MYO1D: variants seen among roughly 807,000 people sequenced by gnomAD.
The protein encoded by MYO1D is unconventional myosin-Id.
A neutral mutation model predicts 122.0 loss-of-function variants in MYO1D; 83 were observed. The observed-to-expected ratio is 0.68, with a 90% CI of 0.57 to 0.82. MYO1D has a LOEUF of 0.82. Among genes scored for constraint, MYO1D ranks in the 40% least tolerant of loss-of-function variants. MYO1D has a pLI of 0.00. For synonymous variants in MYO1D, 464 were observed against 446.9 expected (o/e 1.04, Z -0.48); for missense variants, 1,157 against 1,269.5 (o/e 0.91, Z 1.35).
intron 1 of MYO1D, among the ~76,000 whole-genome samples, chr17:32,813,064 C>T (rs746707166): frequency 6.6e-5 from 10 of 152,196 alleles, no homozygotes; most frequent in Non-Finnish European, 1.5e-4. Flanking sequence ...AATCATTTCT[C>T]CTATAAACGG....
chr17:32,605,329 A>C, intron 20 of MYO1D, 88 bp from the exon 21 acceptor site: 1 of 1,279,914 alleles, frequency 7.8e-7, no homozygotes, highest in Non-Finnish European at 1.1e-6. Context: ...GCATGGTGGC[A>C]TGTGCCTGTA....
intron 1 of MYO1D, among the ~76,000 whole-genome samples, chr17:32,828,106 G>A (rs2090738515): frequency 6.6e-6 from 1 of 152,218 alleles, no homozygotes; most frequent in South Asian, 2.1e-4. Context: ...GAAAGAAGCT[G>A]ACGTGGAAGC....
At chr17:32,809,720 T>G in intron 1 of MYO1D, among the ~76,000 whole-genome samples, 1 of 152,200 alleles carries the variant, frequency 6.6e-6, no homozygotes, top group Non-Finnish European at 1.5e-5. Flanking sequence ...ATTATAGGTG[T>G]AAGCCACTGT....
intron 1 of MYO1D, among the ~76,000 whole-genome samples, chr17:32,796,569 C>A (rs1302232308): frequency 1.3e-5 from 2 of 152,144 alleles, no homozygotes; most frequent in African/African-American, 4.8e-5. Flanking sequence ...CGGGCCACCA[C>A]ATCCAGCTAA....
At chr17:32,818,223 C>CT (rs1259250655) in intron 1 of MYO1D, among the ~76,000 whole-genome samples, 1 of 151,396 alleles carries the variant, frequency 6.6e-6, no homozygotes, top group Non-Finnish European at 1.5e-5. Flanking sequence ...AGAGCCAGTG[C>CT]TTTTAACCAC....
intron 21 of MYO1D, among the ~76,000 whole-genome samples, chr17:32,538,282 CTT>C (rs67908958): frequency 3.5e-3 from 494 of 141,862 alleles, no homozygotes; most frequent in Admixed American, 6.2e-3. Context: ...AATAAATCAT[CTT>C]TTTTTTTTTT....
chr17:32,593,519 GA>G (rs376392767), intron 21 of MYO1D, among the ~76,000 whole-genome samples: 14 of 152,344 alleles, frequency 9.2e-5, no homozygotes, highest in African/African-American at 3.4e-4. Flanking sequence ...CAGTACAGAA[GA>G]CGGAGGGAAT....
At chr17:32,557,122 A>AT (rs11376885) in intron 21 of MYO1D, among the ~76,000 whole-genome samples, 68,569 of 145,582 alleles carry the variant, frequency 0.47, 15,983 homozygotes, top group South Asian at 0.61. Context: ...TAGTTTATCC[A>AT]TTTTTTTTTT....
chr17:32,859,091 A>G (rs1201855687), intron 1 of MYO1D, among the ~76,000 whole-genome samples: 1 of 152,232 alleles, frequency 6.6e-6, no homozygotes, highest in Non-Finnish European at 1.5e-5. Flanking sequence ...TTAAGGTATC[A>G]CTGCTCCCAG....
At chr17:32,624,601 A>G (rs982085751) in intron 20 of MYO1D, among the ~76,000 whole-genome samples, 1 of 152,250 alleles carries the variant, frequency 6.6e-6, no homozygotes, top group Non-Finnish European at 1.5e-5. Context: ...TAAAACCACT[A>G]TATTTTTTCT....
At chr17:32,545,194 T>G (rs141370782) in intron 21 of MYO1D, among the ~76,000 whole-genome samples, 3 of 152,230 alleles carry the variant, frequency 2.0e-5, no homozygotes, top group Admixed American at 2.0e-4. Context: ...CAGACTCGAG[T>G]TGGAGTCCTA....
At chr17:32,688,647 C>T (rs1047267940) in intron 16 of MYO1D, among the ~76,000 whole-genome samples, 2 of 152,174 alleles carry the variant, frequency 1.3e-5, no homozygotes, top group Non-Finnish European at 2.9e-5. Flanking sequence ...CAAACAATGT[C>T]GTGCTATGGC....
rs576164404 is a variant in MYO1D, at chr17:32,584,547, G to A, written c.2864+20540C>T. ...AGGGTCTCACACTGTCATCCAGGCT[G>A]GAATAGCTCACTGCAGCCTTGACCT... On this transcript the variant is annotated intron_variant, in intron 21 of 21. Transcript: ENST00000318217. 3.6e-3 allele frequency among the ~76,000 whole-genome samples: 542 copies of A among 150,766 alleles called. 3 individuals are homozygous for A. The highest frequency in any genetic ancestry group is 0.021 in the Middle Eastern group (6 of 292).
intron 21 of MYO1D, among the ~76,000 whole-genome samples, chr17:32,572,156 G>T (rs566406210): frequency 7.1e-6 from 1 of 140,120 alleles, no homozygotes; most frequent in South Asian, 2.1e-4. Flanking sequence ...CCATCAACAA[G>T]AAACTCTCTC....
At chr17:32,698,185 T>C (rs979330605) in intron 16 of MYO1D, among the ~76,000 whole-genome samples, 1 of 152,190 alleles carries the variant, frequency 6.6e-6, no homozygotes, top group Admixed American at 6.5e-5. Flanking sequence ...TCCAGAGTAG[T>C]GCCTATCACT....
intron 3 of MYO1D, among the ~76,000 whole-genome samples, chr17:32,776,791 G>A (rs867621554): frequency 2.0e-5 from 3 of 152,008 alleles, no homozygotes; most frequent in South Asian, 2.1e-4. Flanking sequence ...TTCTTTATTC[G>A]ACGAATGCTA....
At chr17:32,823,228 C>CAT (rs1399281249) in intron 1 of MYO1D, among the ~76,000 whole-genome samples, 5 of 152,076 alleles carry the variant, frequency 3.3e-5, no homozygotes, top group Admixed American at 6.5e-5. Flanking sequence ...GAGTAACTAT[C>CAT]ATATGACCAC....
At chr17:32,693,358 G>A (rs1229048480) in intron 16 of MYO1D, among the ~76,000 whole-genome samples, 2 of 148,424 alleles carry the variant, frequency 1.3e-5, no homozygotes, top group Non-Finnish European at 3.0e-5. Context: ...CAAGAGAGAA[G>A]TGTCTTGGAA....
At chr17:32,810,479 CT>C (rs112741399) in intron 1 of MYO1D, among the ~76,000 whole-genome samples, 318 of 141,676 alleles carry the variant, frequency 2.2e-3, no homozygotes, top group Middle Eastern at 7.4e-3. Flanking sequence ...AAGTCCGTAA[CT>C]TTTTTTTTTT....
Sources: allele counts gnomAD v4.1 joint callset (sites outside exome capture counted in the v4.1 genomes callset), GRCh38; gene constraint gnomAD v4.1.1; transcripts MANE v1.5; gene names NCBI Gene and HGNC (gene_info 2026-07-23, HGNC 2026-07-21).